Variants in PCM1 observed in about 807,000 individuals in gnomAD.
PCM1 encodes pericentriolar material 1 protein.
Under a neutral mutation model 241.9 loss-of-function variants are expected in PCM1, and 157 were observed. That is an observed-to-expected ratio of 0.65 (90% CI 0.57 to 0.74). The LOEUF is 0.74. Ranked by LOEUF, PCM1 falls within the 30% of genes least tolerant of loss-of-function variation. The pLI, the probability that PCM1 is intolerant of heterozygous loss-of-function variation, is 0.00. For missense variants in PCM1, 3,478 were observed against 2,360.1 expected (o/e 1.47, Z -9.81); for synonymous variants, 1,085 against 784.9 (o/e 1.38, Z -6.39).
chr8:17,961,341 C>G (rs576262297), intron 15 of PCM1, among the ~76,000 whole-genome samples: 93 of 108,848 alleles, frequency 8.5e-4, no homozygotes, highest in African/African-American at 3.3e-3. Context: ...GACGGAGTCT[C>G]GCTCTGTGGC....
At chr8:17,955,809 G>C in intron 10 of PCM1, 156 bp downstream of exon 10, 1 of 642,876 alleles carries the variant, frequency 1.6e-6, no homozygotes, top group Non-Finnish European at 2.7e-6. Flanking sequence ...GTGTTGTGTG[G>C]GCATAATTTG....
intron 27 of PCM1, among the ~76,000 whole-genome samples, chr8:17,990,947 T>C (rs1433117226): frequency 6.6e-6 from 1 of 152,074 alleles, no homozygotes; most frequent in African/African-American, 2.4e-5. Context: ...CAGAGAAAAA[T>C]TACTGTGTGG....
At chr8:17,940,017 G>T in intron 6 of PCM1, 156 bp downstream of exon 6, 1 of 1,438,988 alleles carries the variant, frequency 6.9e-7, no homozygotes, top group Non-Finnish European at 9.5e-7. Flanking sequence ...ATAGTTGTAT[G>T]ATTTATACCG....
At chr8:18,016,347 C>T (rs1424812677) in intron 36 of PCM1, among the ~76,000 whole-genome samples, 1 of 152,130 alleles carries the variant, frequency 6.6e-6, no homozygotes, top group Non-Finnish European at 1.5e-5. Context: ...TTCTAGAACT[C>T]TAGCAAATTT....
intron 3 of PCM1, 78 bp from the exon 4 acceptor site, chr8:17,937,056 C>T (rs2060638198): frequency 8.6e-7 from 1 of 1,169,548 alleles, no homozygotes; most frequent in Admixed American, 2.9e-5. Flanking sequence ...TAAAACTGAC[C>T]AAAACTTTTT....
chr8:17,988,850 C>CA (rs533649817), intron 26 of PCM1, among the ~76,000 whole-genome samples: 96 of 152,076 alleles, frequency 6.3e-4, no homozygotes, highest in Admixed American at 1.1e-3. Flanking sequence ...GGAACTCTCA[C>CA]AGTCCTTATG....
intron 31 of PCM1, 101 bp from the exon 32 acceptor site, chr8:18,010,508 A>G (rs2092322479): frequency 1.5e-5 from 12 of 778,370 alleles, no homozygotes; most frequent in Admixed American, 2.7e-5. Flanking sequence ...GGCCAGGCTT[A>G]GGTCTATAAT....
chr8:17,940,506 T>C (rs1258642281), intron 6 of PCM1, among the ~76,000 whole-genome samples: 1 of 152,188 alleles, frequency 6.6e-6, no homozygotes, highest in South Asian at 2.1e-4. Flanking sequence ...ATAGGCAACA[T>C]TAGTGATTAC....
In PCM1 at chr8:17,954,382, G is replaced by A. The variant is rs1020557616; in HGVS notation, c.1289-1088G>A. Among the ~76,000 whole-genome samples, 6 of 150,442 alleles carry A rather than the reference G, an allele frequency of 4.0e-5. No individual in the cohort carries two copies. In the South Asian group the frequency reaches 1.0e-3, roughly 26 times the overall value. On this transcript the variant is annotated intron_variant, in intron 9 of 38. Coordinates refer to ENST00000325083, the MANE Select transcript of PCM1 (RefSeq NM_006197.4). ...GCGGAGGTTGTGGTGAGCCAAGATCGTGCCATTGCACTCCAGCCTGGGCAA... is the reference window on the plus strand; with the variant it reads ...GCGGAGGTTGTGGTGAGCCAAGATCATGCCATTGCACTCCAGCCTGGGCAA...
chr8:17,980,511 C>G, intron 23 of PCM1, 80 bp from the exon 24 acceptor site: 2 of 1,151,032 alleles, frequency 1.7e-6, no homozygotes, highest in Non-Finnish European at 2.5e-6. Flanking sequence ...GTTACCTGTA[C>G]TGTTACACAA....
chr8:18,012,809 C>G (rs1310311529), intron 34 of PCM1, among the ~76,000 whole-genome samples: 1 of 151,976 alleles, frequency 6.6e-6, no homozygotes, highest in South Asian at 2.1e-4. Flanking sequence ...TTTGGTTTTA[C>G]TTTGAGAGAT....
intron 8 of PCM1, among the ~76,000 whole-genome samples, chr8:17,952,555 A>G (rs1019104892): frequency 6.6e-6 from 1 of 152,214 alleles, no homozygotes; most frequent in African/African-American, 2.4e-5. Context: ...AAATAACACA[A>G]CAATTTTTAA....
intron 2 of PCM1, chr8:17,927,817 G>A (rs902207008): frequency 6.7e-6 from 1 of 148,704 alleles, no homozygotes; most frequent in Non-Finnish European, 1.5e-5. Context: ...CCTAAGTCCT[G>A]GGATTACAAG....
chr8:18,022,539 C>G (rs1367989525), intron 36 of PCM1, among the ~76,000 whole-genome samples: 1 of 152,196 alleles, frequency 6.6e-6, no homozygotes. Context: ...CTTCCCCTAG[C>G]AGGTTGGTTG....
rs367995728 is a variant in PCM1 at position 17,984,418 on chromosome 8, C to G, written c.4109-1029C>G. ...AGTTCATACCTTAAAACTACGAGAA[C>G]TTTAGTGTATCACTTGATTTTATAC... On this transcript the variant is annotated intron_variant, in intron 24 of 38. Coordinates refer to ENST00000325083, the MANE Select transcript of PCM1 (RefSeq NM_006197.4). Among the ~76,000 whole-genome samples, 13 of 151,946 alleles carry G rather than the reference C, an allele frequency of 8.6e-5. 1 individual carries two copies. In the South Asian group the frequency reaches 2.5e-3, roughly 29 times the overall value.
At position 18,009,612 on chromosome 8, in the gene PCM1, A is replaced by G. The variant is rs1276406387; in HGVS notation, c.5028A>G (p.Ile1676Met). 2 of 1,599,952 alleles carry G rather than the reference A, an allele frequency of 1.3e-6. No homozygotes were observed. The highest frequency in any genetic ancestry group is 1.7e-6 in the Non-Finnish European group (2 of 1,172,924). Reference sequence around the variant, plus strand: ...GTGGAGAAGATCTTCTTGTAGAGATATCTGAAGTGTTGTTCAATGAATTGG... The same window carrying G: ...GTGGAGAAGATCTTCTTGTAGAGATGTCTGAAGTGTTGTTCAATGAATTGG... ...KDCGEDLLVEISEVLFNELAF... is the reference protein window; with the variant it reads ...KDCGEDLLVEMSEVLFNELAF... The change falls in exon 31 of 39, where the codon ATA (isoleucine) becomes ATG (methionine). Residue 1676 changes from isoleucine to methionine, a missense_variant. Ile to Met is a conservative substitution (Grantham distance 10). Transcript: ENST00000325083.
intron 36 of PCM1, 21 bp downstream of exon 36, chr8:18,014,861 CAAATATTTTTACTTTTCATTTCT>C: frequency 6.5e-7 from 1 of 1,544,604 alleles, no homozygotes; most frequent in East Asian, 2.3e-5. Flanking sequence ...TTTACATTTC[CAAATATTTTTACTTTTCATTTCT>C]GTGCATATTT....
chr8:17,993,758 A>C, intron 29 of PCM1, 139 bp downstream of exon 29: 2 of 611,438 alleles, frequency 3.3e-6, no homozygotes, highest in Non-Finnish European at 5.4e-6. Flanking sequence ...TTTTCACCCT[A>C]CCAACATTCT....
At chr8:17,949,339 A>G (rs2065112114) in intron 7 of PCM1, among the ~76,000 whole-genome samples, 1 of 152,064 alleles carries the variant, frequency 6.6e-6, no homozygotes, top group Non-Finnish European at 1.5e-5. Flanking sequence ...TTAACTAACA[A>G]GTTACATATA....
Sources: allele counts gnomAD v4.1 joint callset (sites outside exome capture counted in the v4.1 genomes callset), GRCh38; gene constraint gnomAD v4.1.1; transcripts MANE v1.5; gene names NCBI Gene and HGNC (gene_info 2026-07-23, HGNC 2026-07-21).